ATG4B: variants seen among roughly 807,000 people sequenced by gnomAD.
ATG4B encodes the protein autophagy related 4B cysteine peptidase.
In ATG4B, 29 loss-of-function variants were observed where a neutral mutation model predicts 56.6. The ratio of observed to expected loss-of-function variants is 0.51; its 90% CI spans 0.38 to 0.70. The LOEUF (loss-of-function observed/expected upper bound fraction) is 0.70, where lower values mean the gene tolerates loss of function less well. ATG4B is among the 30% of genes least tolerant of loss of function. The pLI, the probability that ATG4B is intolerant of heterozygous loss-of-function variation, is 0.00. For missense variants in ATG4B, 461 were observed against 515.5 expected (o/e 0.89, Z 1.02); for synonymous variants, 224 against 206.1 (o/e 1.09, Z -0.74).
At chr2:241,652,357 G>A (rs558234594) in intron 3 of ATG4B, among the ~76,000 whole-genome samples, 3 of 152,210 alleles carry the variant, frequency 2.0e-5, no homozygotes, top group Admixed American at 6.5e-5. Context: ...ACCCTGCCGC[G>A]TGCTGGGAAG....
At chr2:241,659,516 C>T (rs1054634287) in intron 7 of ATG4B, 15 of 385,710 alleles carry the variant, frequency 3.9e-5, no homozygotes, top group African/African-American at 1.9e-4. Context: ...AGTTATTTTG[C>T]GTGCCTTGAT....
chr2:241,655,570 C>G, intron 6 of ATG4B: 1 of 568,462 alleles, frequency 1.8e-6, no homozygotes, highest in Non-Finnish European at 3.1e-6. Context: ...GCACATTGGA[C>G]CCTTGTTCTT....
chr2:241,671,435 C>T (rs1219854731), intron 12 of ATG4B, 30 bp downstream of exon 12: 3 of 1,610,330 alleles, frequency 1.9e-6, no homozygotes, highest in Admixed American at 3.4e-5. Flanking sequence ...GGTGGGGTCC[C>T]TCGGAGGTAC....
rs2068866134 is a variant in ATG4B at position 241,668,909 on chromosome 2, G to A, written c.957+224G>A. The A allele has an allele frequency of 4.8e-6, 3 of 623,648 alleles. No homozygotes were observed. The highest frequency in any genetic ancestry group is 3.7e-5 in the African/African-American group (2 of 54,114). The allele number at this position is 623,648 out of a possible 1,614,324, so 38.6% of individuals were successfully genotyped here. On this transcript the variant is annotated intron_variant, in intron 10 of 12. Transcript: ENST00000404914. The surrounding 1 kb of genome is among the most constrained non-coding windows in gnomAD (Gnocchi z 4.2). The stretch of plus-strand genomic sequence containing the variant: ...CCTGTGCAGCCTTCATGGCCTTCGA[G>A]TGGCCCAGAGAGCGTGTGTCTGGAT...
At chr2:241,639,242 CCAGA>C (rs2067806481) in intron 1 of ATG4B, among the ~76,000 whole-genome samples, 1 of 152,220 alleles carries the variant, frequency 6.6e-6, no homozygotes, top group Non-Finnish European at 1.5e-5. Flanking sequence ...ACTCCAGCGT[CCAGA>C]CAAAGGGACA....
At chr2:241,664,925 C>A (rs1273472983) in intron 7 of ATG4B, among the ~76,000 whole-genome samples, 1 of 152,180 alleles carries the variant, frequency 6.6e-6, no homozygotes, top group Non-Finnish European at 1.5e-5. Flanking sequence ...GATTATGCCA[C>A]TGCACTCCAG....
chr2:241,650,442 GC>G (rs2068195249), intron 1 of ATG4B, among the ~76,000 whole-genome samples: 1 of 152,000 alleles, frequency 6.6e-6, no homozygotes, highest in African/African-American at 2.4e-5. Context: ...AGTGTTTCTT[GC>G]CCCGGAGCAT....
intron 1 of ATG4B, among the ~76,000 whole-genome samples, chr2:241,646,293 C>T (rs1019617312): frequency 1.3e-5 from 2 of 152,178 alleles, no homozygotes; most frequent in East Asian, 3.8e-4. Context: ...TTTTCCTTTT[C>T]TTCCTTATCT....
At chr2:241,664,596 A>C in intron 7 of ATG4B, among the ~76,000 whole-genome samples, 1 of 152,262 alleles carries the variant, frequency 6.6e-6, no homozygotes. Context: ...GCTCCTACCC[A>C]TAATCGCACC....
rs551712678 is a variant in ATG4B at position 241,666,171 on chromosome 2, G to A, written c.539-474G>A. On this transcript the variant is annotated intron_variant, in intron 7 of 12. Transcript: ENST00000404914. ...GACGCCGGGCATGCTCCATGCTCCCGGAGTGTCTTCTCCCATCACCGCACC... is the reference window on the plus strand; with the variant it reads ...GACGCCGGGCATGCTCCATGCTCCCAGAGTGTCTTCTCCCATCACCGCACC... Among the ~76,000 whole-genome samples the A allele has an allele frequency of 8.7e-4, 132 of 152,334 alleles. 1 individual carries two copies. The highest frequency in any genetic ancestry group is 2.9e-3 in the African/African-American group (120 of 41,572).
At chr2:241,642,393 T>C in intron 1 of ATG4B, among the ~76,000 whole-genome samples, 1 of 151,754 alleles carries the variant, frequency 6.6e-6, no homozygotes, top group Non-Finnish European at 1.5e-5. Flanking sequence ...CTTGGAGATT[T>C]AAAAAAAAGT....
chr2:241,650,972 A>G (rs1380106680), intron 1 of ATG4B, 38 bp from the exon 2 acceptor site: 8 of 1,535,844 alleles, frequency 5.2e-6, no homozygotes, highest in Non-Finnish European at 6.3e-6. Flanking sequence ...TTATGAAATT[A>G]TAAGTGTCTG....
At chr2:241,665,181 A>G (rs1167562616) in intron 7 of ATG4B, among the ~76,000 whole-genome samples, 1 of 152,194 alleles carries the variant, frequency 6.6e-6, no homozygotes, top group Non-Finnish European at 1.5e-5. Context: ...GTTTTGAGAA[A>G]TTTGAGTCCT....
intron 1 of ATG4B, among the ~76,000 whole-genome samples, chr2:241,647,545 G>A (rs1363203374): frequency 6.6e-6 from 1 of 150,884 alleles, no homozygotes; most frequent in Non-Finnish European, 1.5e-5. Context: ...GGCATGAGCC[G>A]GGAGGCAGAG....
intron 4 of ATG4B, 40 bp from the exon 5 acceptor site, chr2:241,654,506 T>C: frequency 1.4e-6 from 2 of 1,426,546 alleles, no homozygotes; most frequent in Non-Finnish European, 1.9e-6. Flanking sequence ...TTGTTTCTCA[T>C]ATTTATGGTA....
chr2:241,660,941 G>GC (rs2068572472), intron 7 of ATG4B, among the ~76,000 whole-genome samples: 1 of 152,212 alleles, frequency 6.6e-6, no homozygotes, highest in Admixed American at 6.5e-5. Flanking sequence ...CCAGGAAGGC[G>GC]CAAGGGTCAG....
intron 6 of ATG4B, among the ~76,000 whole-genome samples, chr2:241,658,544 G>T (rs1335991062): frequency 1.3e-5 from 2 of 152,240 alleles, no homozygotes; most frequent in Non-Finnish European, 2.9e-5. Flanking sequence ...CCTGAGATGA[G>T]ATCAGAGTCG....
intron 7 of ATG4B, among the ~76,000 whole-genome samples, chr2:241,664,367 A>G (rs1370194763): frequency 6.6e-6 from 1 of 152,044 alleles, no homozygotes; most frequent in Non-Finnish European, 1.5e-5. Flanking sequence ...CCTCATCTCT[A>G]CAAAAAAACA....
chr2:241,651,475 A>C lies in ATG4B; in HGVS notation c.184+140A>C. The stretch of plus-strand genomic sequence containing the variant: ...CAATCCTGCTTAACTGAATTGGCCG[A>C]GGCCTCACGTGTAGTAGTGGCAAAG... On this transcript the variant is annotated intron_variant, in intron 3 of 12. Coordinates refer to ENST00000404914, the MANE Select transcript of ATG4B (RefSeq NM_013325.5). This position sits in a 1 kb window ranked among gnomAD's most constrained non-coding sequence, Gnocchi z 4.1. 2.7e-6 allele frequency: 2 copies of C among 732,020 alleles called. No individual in the cohort carries two copies. Among genetic ancestry groups the C allele is most frequent in the Non-Finnish European group, 4.5e-6 (2 of 445,082 alleles). The allele number at this position is 732,020 out of a possible 1,614,324, so 45.3% of individuals were successfully genotyped here.
Sources: allele counts gnomAD v4.1 joint callset (sites outside exome capture counted in the v4.1 genomes callset), GRCh38; gene constraint gnomAD v4.1.1; non-coding constraint Gnocchi (gnomAD v3.1); transcripts MANE v1.5; gene names NCBI Gene and HGNC (gene_info 2026-07-23, HGNC 2026-07-21).